The following CARMIL1 variants were observed in gnomAD, a reference collection of about 807,000 sequenced individuals.
CARMIL1 encodes F-actin-uncapping protein LRRC16A.
CARMIL1 carries 90 observed loss-of-function variants against 177.1 expected under a neutral mutation model. The observed-to-expected ratio is 0.51, with a 90% CI of 0.43 to 0.61. The LOEUF is 0.61. Among genes scored for constraint, CARMIL1 ranks in the 20% least tolerant of loss-of-function variants. The pLI is 0.00. For missense variants in CARMIL1, 1,380 were observed against 1,667.0 expected (o/e 0.83, Z 3.00); for synonymous variants, 577 against 606.2 (o/e 0.95, Z 0.71).
At chr6:25,335,516 T>C (rs1786120852) in intron 2 of CARMIL1, among the ~76,000 whole-genome samples, 1 of 152,252 alleles carries the variant, frequency 6.6e-6, no homozygotes, top group African/African-American at 2.4e-5. Context: ...CCTTGTGATT[T>C]TCCTGAAGCT....
chr6:25,313,294 G>A (rs1783984932), intron 2 of CARMIL1, among the ~76,000 whole-genome samples: 1 of 152,148 alleles, frequency 6.6e-6, no homozygotes, highest in Non-Finnish European at 1.5e-5. Flanking sequence ...CTTTCACTCT[G>A]TTCTTGACAG....
chr6:25,477,300 C>G (rs1339211784), intron 11 of CARMIL1, among the ~76,000 whole-genome samples: 1 of 152,004 alleles, frequency 6.6e-6, no homozygotes, highest in African/African-American at 2.4e-5. Flanking sequence ...ATTTTCACAT[C>G]TATGTACAGA....
chr6:25,406,187 A>G (rs1310718921), intron 2 of CARMIL1, among the ~76,000 whole-genome samples: 1 of 152,196 alleles, frequency 6.6e-6, no homozygotes, highest in Admixed American at 6.5e-5. Context: ...GTGGGAGTAT[A>G]TAATAGGGAG....
intron 5 of CARMIL1, among the ~76,000 whole-genome samples, chr6:25,436,349 C>T (rs914085890): frequency 2.6e-5 from 4 of 152,286 alleles, no homozygotes; most frequent in Non-Finnish European, 5.9e-5. Context: ...AAATTTCCCT[C>T]CCATTGCTCT....
At chr6:25,564,762 T>C (rs763947113) in intron 29 of CARMIL1, among the ~76,000 whole-genome samples, 3 of 152,254 alleles carry the variant, frequency 2.0e-5, no homozygotes, top group South Asian at 2.1e-4. Flanking sequence ...TTTTTCTTCA[T>C]TGTCTTTACT....
intron 35 of CARMIL1, 38 bp from the exon 36 acceptor site, chr6:25,610,012 T>A: frequency 1.3e-6 from 2 of 1,591,128 alleles, no homozygotes; most frequent in Non-Finnish European, 1.7e-6. Context: ...GAATCCAGTT[T>A]GTGGAACAGT....
intron 2 of CARMIL1, among the ~76,000 whole-genome samples, chr6:25,380,396 A>G (rs1171232136): frequency 6.6e-6 from 1 of 152,218 alleles, no homozygotes; most frequent in Non-Finnish European, 1.5e-5. Context: ...ATACAAACTG[A>G]TGGAGGTGGT....
At chr6:25,407,446 T>G (rs1581834695) in intron 2 of CARMIL1, among the ~76,000 whole-genome samples, 13 of 148,480 alleles carry the variant, frequency 8.8e-5, no homozygotes, top group African/African-American at 1.5e-4. Flanking sequence ...GAGGAGGGGG[T>G]GGGTACAGCT....
intron 8 of CARMIL1, among the ~76,000 whole-genome samples, chr6:25,457,801 C>T (rs1455296702): frequency 2.6e-5 from 4 of 152,134 alleles, no homozygotes; most frequent in Non-Finnish European, 5.9e-5. Flanking sequence ...AATCTTCACT[C>T]CTGTGGTAGG....
At chr6:25,451,897 A>C in intron 8 of CARMIL1, 2 of 564,722 alleles carry the variant, frequency 3.5e-6, no homozygotes, top group Non-Finnish European at 3.2e-6. Flanking sequence ...GAAATCTGGG[A>C]TTCCAGCTAT....
At chr6:25,419,023 G>A (rs553003225) in intron 2 of CARMIL1, among the ~76,000 whole-genome samples, 5 of 152,288 alleles carry the variant, frequency 3.3e-5, no homozygotes, top group Middle Eastern at 3.4e-3. Context: ...GGGAGACTAG[G>A]GAAAGGTATA....
intron 1 of CARMIL1, among the ~76,000 whole-genome samples, chr6:25,281,463 G>A (rs938961651): frequency 6.6e-6 from 1 of 152,026 alleles, no homozygotes; most frequent in African/African-American, 2.4e-5. Context: ...AATTACTTAG[G>A]CCCAAGAGAA....
intron 8 of CARMIL1, chr6:25,452,252 T>C (rs1240240633): frequency 2.6e-6 from 2 of 763,040 alleles, no homozygotes; most frequent in African/African-American, 3.4e-5. Context: ...CTTAGAGCAG[T>C]TCTCCTTCTT....
At chr6:25,613,839 A>G (rs758321890) in intron 36 of CARMIL1, among the ~76,000 whole-genome samples, 2 of 152,206 alleles carry the variant, frequency 1.3e-5, no homozygotes, top group Non-Finnish European at 2.9e-5. Context: ...TAATAGATGC[A>G]TGTATTTAGG....
chr6:25,451,788 C>T (rs745824281), intron 8 of CARMIL1, among the ~76,000 whole-genome samples: 2 of 152,020 alleles, frequency 1.3e-5, no homozygotes, highest in Non-Finnish European at 2.9e-5. Context: ...TAATAAACTC[C>T]AGCCCTACTT....
At chr6:25,398,379 G>A (rs1480307733) in intron 2 of CARMIL1, among the ~76,000 whole-genome samples, 1 of 152,188 alleles carries the variant, frequency 6.6e-6, no homozygotes, top group Non-Finnish European at 1.5e-5. Context: ...GTATATTAAA[G>A]TAATGGATAT....
At chr6:25,579,201 TAAACC>T (rs1014669756) in intron 29 of CARMIL1, among the ~76,000 whole-genome samples, 1 of 149,956 alleles carries the variant, frequency 6.7e-6, no homozygotes. Flanking sequence ...TATGGAAACT[TAAACC>T]AGACTATTTT....
chr6:25,612,999 A>G, intron 36 of CARMIL1: 2 of 646,606 alleles, frequency 3.1e-6, no homozygotes, highest in Non-Finnish European at 3.8e-6. Context: ...GGGATTAGTC[A>G]TACAAGAGAG....
At chr6:25,544,530 T>C (rs1191525300) in intron 26 of CARMIL1, among the ~76,000 whole-genome samples, 1 of 151,744 alleles carries the variant, frequency 6.6e-6, no homozygotes, top group Non-Finnish European at 1.5e-5. Flanking sequence ...ATATACCCAA[T>C]GGACCTAGTT....
Sources: gnomAD v4.1 joint callset for allele counts (sites outside exome capture counted in the v4.1 genomes callset) on GRCh38, gnomAD v4.1.1 for gene constraint, MANE v1.5 for transcripts, NCBI Gene and HGNC (gene_info 2026-07-23, HGNC 2026-07-21) for gene names.